Variants in RYR1 observed in about 807,000 individuals in gnomAD.
RYR1 encodes central core disease of muscle.
In RYR1, 342 loss-of-function variants were observed where a neutral mutation model predicts 583.5. The ratio of observed to expected loss-of-function variants is 0.59; its 90% CI spans 0.54 to 0.64. The LOEUF (loss-of-function observed/expected upper bound fraction) is 0.64. Ranked by LOEUF, RYR1 falls within the 30% of genes least tolerant of loss-of-function variation. The pLI is 0.00. For synonymous variants in RYR1, 2,791 were observed against 2,822.5 expected (o/e 0.99, Z 0.35); for missense variants, 6,032 against 6,917.2 (o/e 0.87, Z 4.54).
chr19:38,511,396 C>G (rs1970718072), intron 60 of RYR1, among the ~76,000 whole-genome samples, 165 bp from the exon 61 acceptor site: 1 of 152,134 alleles, frequency 6.6e-6, no homozygotes. Flanking sequence ...GCCCATCTCT[C>G]TGCCCCTTCC....
chr19:38,440,453 C>T (rs771946217), intron 1 of RYR1, among the ~76,000 whole-genome samples: 2 of 152,108 alleles, frequency 1.3e-5, no homozygotes, highest in South Asian at 2.1e-4. Context: ...GCAGGAGAAT[C>T]GCTTGAACCC....
chr19:38,480,770 T>C (rs1248327052), intron 31 of RYR1, among the ~76,000 whole-genome samples: 2 of 151,850 alleles, frequency 1.3e-5, no homozygotes, highest in East Asian at 1.9e-4. Context: ...TTTGAGACAA[T>C]GTCTCACTCT....
At position 38,465,657 on chromosome 19, in the gene RYR1, C is replaced by T. The variant is rs111938433; in HGVS notation, c.2871-434C>T. Reference sequence around the variant, plus strand: ...CACATGCCTGTAATCCCTGCTACTCCGGAGGCTGAGGCAGGAGAATCACTT... The same window carrying T: ...CACATGCCTGTAATCCCTGCTACTCTGGAGGCTGAGGCAGGAGAATCACTT... On this transcript the variant is annotated intron_variant, in intron 23 of 105. Transcript: ENST00000359596. Among the ~76,000 whole-genome samples the T allele has an allele frequency of 5.0e-3, 756 of 151,142 alleles. 6 individuals are homozygous for T. The highest frequency in any genetic ancestry group is 0.017 in the African/African-American group (696 of 41,142).
Position 38,512,598 on chromosome 19 carries a change from C to A in RYR1, c.9472+115C>A. Reference sequence around the variant, plus strand: ...GAATGTGTGGATTTCTTGCTGTAAGCAAAGCATGCAGTCAGTACCTTGGCA... The same window carrying A: ...GAATGTGTGGATTTCTTGCTGTAAGAAAAGCATGCAGTCAGTACCTTGGCA... On this transcript the variant is annotated intron_variant, in intron 63 of 105. Transcript: ENST00000359596. This position sits in a 1 kb window ranked among gnomAD's most constrained non-coding sequence, Gnocchi z 5.1. 1 of 1,006,096 alleles carries A rather than the reference C, an allele frequency of 9.9e-7. No individual in the cohort carries two copies. The highest frequency in any genetic ancestry group is 1.5e-6 in the Non-Finnish European group (1 of 647,328). 62.3% of individuals were successfully genotyped at this position (1,006,096 alleles called of 1,614,324 possible).
At chr19:38,528,449 AG>A in intron 74 of RYR1, 31 bp downstream of exon 74, 1 of 1,609,208 alleles carries the variant, frequency 6.2e-7, no homozygotes, top group East Asian at 2.2e-5. Context: ...GGAAGCGTGA[AG>A]GGCTGCGGAG....
At position 38,500,730 on chromosome 19, in the gene RYR1, C is replaced by T. The variant is rs1970073139; in HGVS notation, c.7444+4C>T. Reference sequence around the variant, plus strand: ...CAGATTCCCACCCTGGGCAAAGGTGCAGAGGGGATGGAACTTGGCGAAGGA... The same window carrying T: ...CAGATTCCCACCCTGGGCAAAGGTGTAGAGGGGATGGAACTTGGCGAAGGA... On this transcript the variant is annotated splice_donor_region_variant and intron_variant, in intron 46 of 105. Transcript: ENST00000359596. This position sits in a 1 kb window ranked among gnomAD's most constrained non-coding sequence, Gnocchi z 5.9. The T allele has an allele frequency of 1.9e-6, 3 of 1,614,126 alleles. No individual in the cohort carries two copies. Among genetic ancestry groups the T allele is most frequent in the Non-Finnish European group, 2.5e-6 (3 of 1,180,018 alleles).
intron 93 of RYR1, among the ~76,000 whole-genome samples, chr19:38,569,320 CTT>C (rs935704387): frequency 2.1e-5 from 3 of 146,270 alleles, no homozygotes; most frequent in African/African-American, 2.5e-5. Context: ...TATTTTTAAT[CTT>C]TTTTTTTTTT....
At position 38,496,680 on chromosome 19, in the gene RYR1, G is replaced by C; in HGVS notation, c.6796+139G>C. 8.1e-7 allele frequency: 1 copy of C among 1,231,344 alleles called. No individual in the cohort carries two copies. Among genetic ancestry groups the C allele is most frequent in the South Asian group, 1.2e-5 (1 of 80,090 alleles). The allele number at this position is 1,231,344 out of a possible 1,614,324, so 76.3% of individuals were successfully genotyped here. On this transcript the variant is annotated intron_variant, in intron 41 of 105. Transcript: ENST00000359596. This position sits in a 1 kb window ranked among gnomAD's most constrained non-coding sequence, Gnocchi z 4.8. ...TGGTTCTGGCCCTGTAATGAGTAAT[G>C]CTGGGGACACAATAGTGACCCCAAT...
rs1568462256 is a variant in RYR1 at position 38,466,416 on chromosome 19, G to GC, written c.3178+21dup. On this transcript the variant is annotated intron_variant, in intron 24 of 105. Transcript: ENST00000359596. ...GGAGCCCAGTGAGTGCTCACCCCTG[G>GC]CCCTGGCCCTGACTCCTACCCCAAC... 6.5e-7 allele frequency: 1 copy of GC among 1,540,690 alleles called. No individual in the cohort carries two copies. Among genetic ancestry groups the GC allele is most frequent in the Admixed American group, 2.0e-5 (1 of 50,966 alleles).
Position 38,551,670 on chromosome 19 carries a change from T to C in RYR1, c.12282+3250T>C, listed in dbSNP as rs150000875. Among the ~76,000 whole-genome samples the C allele has an allele frequency of 2.0e-3, 302 of 152,244 alleles. 2 individuals carry two copies. Among genetic ancestry groups the C allele is most frequent in the African/African-American group, 6.9e-3 (285 of 41,546 alleles). The stretch of plus-strand genomic sequence containing the variant: ...TCAGTGACCTCTTTACCTCTGACTG[T>C]CCCCTCTGACTTGTCATCTTGGCAG... On this transcript the variant is annotated intron_variant, in intron 89 of 105. Transcript: ENST00000359596.
At chr19:38,581,941 A>G (rs1351306673) in intron 101 of RYR1, among the ~76,000 whole-genome samples, 1 of 152,144 alleles carries the variant, frequency 6.6e-6, no homozygotes, top group Non-Finnish European at 1.5e-5. Context: ...ATTATTGGAA[A>G]GGTACTCAGG....
At chr19:38,559,309 C>G (rs1182370092) in intron 89 of RYR1, among the ~76,000 whole-genome samples, 3 of 146,940 alleles carry the variant, frequency 2.0e-5, no homozygotes, top group Non-Finnish European at 4.5e-5. Flanking sequence ...TCTTGGCTCA[C>G]TGCAACATCC....
rs968796694 is a variant in RYR1 at position 38,528,331 on chromosome 19, A to G, written c.10850A>G (p.Lys3617Arg). 6.2e-7 allele frequency: 1 copy of G among 1,613,922 alleles called. No homozygotes were observed. Among genetic ancestry groups the G allele is most frequent in the Non-Finnish European group, 8.5e-7 (1 of 1,180,018 alleles). ...ACCGAGCACCCTTACAAGTCTAAGA[A>G]GGCCGTGTGGCACAAGCTTTTGTCC... ...DQTEHPYKSK[K>R]AVWHKLLSKQ... The change falls in exon 74 of 106, where the codon AAG becomes AGG. Residue 3617 changes from lysine to arginine, a missense_variant. By Grantham distance (26) the Lys-to-Arg change is conservative. This residue lies in a region of RYR1 where 1,493 missense variants were observed against 1,715.5 expected (regional missense o/e 0.87). Coordinates refer to ENST00000359596, the MANE Select transcript of RYR1 (RefSeq NM_000540.3).
intron 21 of RYR1, 23 bp downstream of exon 21, chr19:38,463,550 C>A: frequency 6.2e-7 from 1 of 1,603,130 alleles, no homozygotes; most frequent in East Asian, 2.2e-5. Flanking sequence ...CTGCAGCCTG[C>A]GGGAGGCCGG....
intron 84 of RYR1, among the ~76,000 whole-genome samples, chr19:38,541,033 C>A (rs113185010): frequency 6.6e-6 from 1 of 152,358 alleles, no homozygotes; most frequent in African/African-American, 2.4e-5. Flanking sequence ...TTTCACAGAA[C>A]AATGTTTTTT....
intron 31 of RYR1, among the ~76,000 whole-genome samples, chr19:38,482,174 G>A (rs1020092109): frequency 6.6e-6 from 1 of 152,124 alleles, no homozygotes; most frequent in African/African-American, 2.4e-5. Flanking sequence ...TATTTTGACA[G>A]GATCCCAGGG....
In RYR1 at chr19:38,466,327, A is replaced by G. The variant is rs1197137159; in HGVS notation, c.3107A>G (p.Asp1036Gly). Residue 1036 changes from aspartate (D) to glycine (G), a missense_variant, in exon 24 of 106, where the codon GAC (aspartate) becomes GGC (glycine). By Grantham distance (94) the Asp-to-Gly change is moderately conservative (BLOSUM62 -1). Around this residue, in one of 11 missense-constraint regions of RYR1, gnomAD observed 2,627 missense variants for 2,961.3 expected, o/e 0.89. Transcript: ENST00000359596. ...GAAGCCACCAAGCGCAGCAACCGGG[A>G]CAGCCTCTGCCAGGCCGTGCGCACC... ...LDEATKRSNR[D>G]SLCQAVRTLL... 2 of 1,605,334 alleles carry G rather than the reference A, an allele frequency of 1.2e-6. No individual in the cohort carries two copies. The highest frequency in any genetic ancestry group is 2.2e-5 in the South Asian group (2 of 89,876).
At chr19:38,474,828 A>G (rs1302170489) in intron 28 of RYR1, among the ~76,000 whole-genome samples, 1 of 151,812 alleles carries the variant, frequency 6.6e-6, no homozygotes, top group Non-Finnish European at 1.5e-5. Flanking sequence ...GTACGATGGC[A>G]GAGGTTTTCA....
intron 20 of RYR1, among the ~76,000 whole-genome samples, chr19:38,462,164 T>G (rs978144807): frequency 3.3e-5 from 5 of 152,180 alleles, no homozygotes; most frequent in Admixed American, 6.5e-5. Flanking sequence ...TGGTTTTCAG[T>G]CACGTGATCT....
Sources: allele counts gnomAD v4.1 joint callset (sites outside exome capture counted in the v4.1 genomes callset), GRCh38; gene constraint gnomAD v4.1.1; regional missense constraint gnomAD v4.1.1; non-coding constraint Gnocchi (gnomAD v3.1); transcripts MANE v1.5; gene names NCBI Gene and HGNC (gene_info 2026-07-23, HGNC 2026-07-21).